The following CPT1A variants were observed in gnomAD, a reference collection of about 807,000 sequenced individuals.
CPT1A encodes the protein carnitine O-palmitoyltransferase 1, liver isoform.
Under a neutral mutation model 100.8 loss-of-function variants are expected in CPT1A, and 64 were observed. That is an observed-to-expected ratio of 0.63 (90% confidence interval 0.52 to 0.78). The LOEUF (loss-of-function observed/expected upper bound fraction) is 0.78, where lower values mean the gene tolerates loss of function less well. CPT1A is among the 30% of genes least tolerant of loss of function. CPT1A has a pLI of 0.00. For synonymous variants in CPT1A, 363 were observed against 396.0 expected (o/e 0.92, Z 0.99); for missense variants, 802 against 1,034.1 (o/e 0.78, Z 3.08).
Position 68,833,616 on chromosome 11 carries a change from G to C in CPT1A, c.-14+8159C>G, listed in dbSNP as rs1856935846. Reference sequence around the variant, plus strand: ...TACTAAAAATACAAAACATTAGCTGGGTGTGGTGGTGGGCACCTGTAGCAG... The same window carrying C: ...TACTAAAAATACAAAACATTAGCTGCGTGTGGTGGTGGGCACCTGTAGCAG... On this transcript the variant is annotated intron_variant, in intron 1 of 18. Coordinates refer to ENST00000265641, the MANE Select transcript of CPT1A (RefSeq NM_001876.4). 2.6e-5 allele frequency among the ~76,000 whole-genome samples: 4 copies of C among 152,228 alleles called. No individual in the cohort carries two copies. In the South Asian group the frequency reaches 8.3e-4, roughly 32 times the overall value.
Position 68,755,368 on chromosome 11 carries a change from G to A in CPT1A, c.*2276C>T, listed in dbSNP as rs1358920937. 4 of 155,658 alleles carry A rather than the reference G, an allele frequency of 2.6e-5. No individual in the cohort carries two copies. Among genetic ancestry groups the A allele is most frequent in the Non-Finnish European group, 5.8e-5 (4 of 68,816 alleles). The allele number at this position is 155,658 out of a possible 1,614,324, so 9.6% of individuals were successfully genotyped here. On this transcript the variant is annotated 3_prime_UTR_variant, in exon 19 of 19. Transcript: ENST00000265641. ...CCAGGGCAGAGAGAGCTACATCCCCGCTGCCTGCTTGACGGACAGTCAGGG... is the reference window on the plus strand; with the variant it reads ...CCAGGGCAGAGAGAGCTACATCCCCACTGCCTGCTTGACGGACAGTCAGGG...
At chr11:68,820,132 T>C (rs1463953630) in intron 1 of CPT1A, among the ~76,000 whole-genome samples, 1 of 149,830 alleles carries the variant, frequency 6.7e-6, no homozygotes, top group East Asian at 2.0e-4. Flanking sequence ...CAAGCTCAGG[T>C]GATCCTCCCA....
At chr11:68,805,435 A>G (rs1177957037) in intron 4 of CPT1A, among the ~76,000 whole-genome samples, 1 of 151,296 alleles carries the variant, frequency 6.6e-6, no homozygotes, top group African/African-American at 2.4e-5. Context: ...TGGGTGACAG[A>G]GCAAGATGCT....
intron 5 of CPT1A, among the ~76,000 whole-genome samples, chr11:68,800,541 C>CTGT (rs1408567456): frequency 1.3e-5 from 2 of 151,842 alleles, no homozygotes; most frequent in Non-Finnish European, 2.9e-5. Context: ...TGGCATGTGC[C>CTGT]TGTGATCCCA....
intron 12 of CPT1A, among the ~76,000 whole-genome samples, chr11:68,779,249 A>G (rs530500081): frequency 1.3e-5 from 2 of 152,232 alleles, no homozygotes; most frequent in South Asian, 4.1e-4. Context: ...AAAACACTGC[A>G]AAAAGATGGT....
In CPT1A at chr11:68,797,867, A is replaced by G. The variant is rs905526871; in HGVS notation, c.694-934T>C. The stretch of plus-strand genomic sequence containing the variant: ...GTGGCGGGTGCCTGTAATCCCAGCT[A>G]CTCAGGAGGCTGAGGCAGGAGAATT... On this transcript the variant is annotated intron_variant, in intron 6 of 18. Transcript: ENST00000265641. Among the ~76,000 whole-genome samples, 3 of 152,030 alleles carry G rather than the reference A, an allele frequency of 2.0e-5. No homozygotes were observed. In the East Asian group the frequency reaches 5.8e-4, roughly 29 times the overall value.
intron 14 of CPT1A, among the ~76,000 whole-genome samples, chr11:68,763,316 C>A (rs1318865666): frequency 6.6e-6 from 1 of 152,024 alleles, no homozygotes; most frequent in Non-Finnish European, 1.5e-5. Flanking sequence ...ACCCCCCCCA[C>A]CCCCGAGTCC....
chr11:68,781,980 G>A (rs769948243), intron 10 of CPT1A, 21 bp from the exon 11 acceptor site: 13 of 1,611,412 alleles, frequency 8.1e-6, no homozygotes, highest in East Asian at 4.5e-5. Flanking sequence ...GATGAAATAC[G>A]ATTAAAGGCA....
intron 1 of CPT1A, among the ~76,000 whole-genome samples, chr11:68,827,769 T>G (rs1168418740): frequency 6.6e-6 from 1 of 152,122 alleles, no homozygotes; most frequent in African/African-American, 2.4e-5. Context: ...TACAAGTGCA[T>G]ACAGTGCCAC....
intron 9 of CPT1A, among the ~76,000 whole-genome samples, chr11:68,787,035 G>A (rs747840): frequency 0.93 from 141,239 of 152,196 alleles, 65,961 homozygotes; most frequent in Non-Finnish European, 0.98. Flanking sequence ...TAAGAAACAA[G>A]TAAAAGATAA....
At chr11:68,812,306 G>T (rs887699998) in intron 3 of CPT1A, 131 bp downstream of exon 3, 1 of 1,308,090 alleles carries the variant, frequency 7.6e-7, no homozygotes, top group Non-Finnish European at 1.1e-6. Context: ...GAAGAAAGCT[G>T]ACGTGAGAAC....
intron 9 of CPT1A, among the ~76,000 whole-genome samples, chr11:68,792,254 G>T (rs896096510): frequency 6.6e-6 from 1 of 152,054 alleles, no homozygotes; most frequent in South Asian, 2.1e-4. Context: ...GGAGAATGGC[G>T]TGAACTCGGG....
intron 4 of CPT1A, among the ~76,000 whole-genome samples, chr11:68,806,008 A>T (rs1404512129): frequency 6.6e-6 from 1 of 151,148 alleles, no homozygotes; most frequent in Admixed American, 6.6e-5. Context: ...CAGAAAAACT[A>T]AGCCCATAAA....
chr11:68,810,528 G>A (rs1292724759), intron 3 of CPT1A, among the ~76,000 whole-genome samples: 2 of 152,184 alleles, frequency 1.3e-5, no homozygotes, highest in Non-Finnish European at 2.9e-5. Context: ...TCAGCTGGAC[G>A]CTCGATGACT....
intron 1 of CPT1A, among the ~76,000 whole-genome samples, chr11:68,817,086 GGTTGTGTGTGTGT>G (rs1856439809): frequency 7.4e-6 from 1 of 134,910 alleles, no homozygotes; most frequent in Admixed American, 7.4e-5. Flanking sequence ...GCGTGTGTGT[GGTTGTGTGTGTGT>G]GGTGTGTGTG....
rs1262971665 is a variant in CPT1A, at chr11:68,793,331, G to A, written c.951C>T (p.Ile317=). 1.2e-6 allele frequency: 2 copies of A among 1,611,100 alleles called. No individual in the cohort carries two copies. Among genetic ancestry groups the A allele is most frequent in the African/African-American group, 2.7e-5 (2 of 74,964 alleles). ...TTGACTCACCTGTCTCCTCTCCTGG[G>A]ATCCGGGAAGTATTAAACATCCGCT... ...QWERMFNTSR[I]PGEETDTIQH... The change falls in exon 9 of 19, where the codon ATC becomes ATT. Residue 317 remains isoleucine, a synonymous_variant. Transcript: ENST00000265641.
At chr11:68,785,714 C>T (rs1157129300) in intron 9 of CPT1A, 10 of 355,114 alleles carry the variant, frequency 2.8e-5, no homozygotes, top group Non-Finnish European at 4.1e-5. Flanking sequence ...GAGACGATAT[C>T]CGTAAAGCCC....
intron 15 of CPT1A, among the ~76,000 whole-genome samples, chr11:68,761,940 C>CA (rs1237016024): frequency 1.6e-3 from 54 of 34,832 alleles, no homozygotes; most frequent in African/African-American, 2.5e-3. Flanking sequence ...AAGTTTGTCT[C>CA]GGAAAAAAGA....
intron 5 of CPT1A, among the ~76,000 whole-genome samples, chr11:68,801,727 T>C (rs959373930): frequency 6.8e-6 from 1 of 146,112 alleles, no homozygotes; most frequent in African/African-American, 2.8e-5. Flanking sequence ...GAGAAGTTTT[T>C]GCTTATTATT....
Sources: allele counts gnomAD v4.1 joint callset (sites outside exome capture counted in the v4.1 genomes callset), GRCh38; gene constraint gnomAD v4.1.1; transcripts MANE v1.5; gene names NCBI Gene and HGNC (gene_info 2026-07-23, HGNC 2026-07-21).